ROR1: variants seen among roughly 807,000 people sequenced by gnomAD.
ROR1 encodes ROR family WNT receptor 1.
In ROR1, 19 loss-of-function variants were observed where a neutral mutation model predicts 78.8. That is an observed-to-expected ratio of 0.24 (90% CI 0.17 to 0.35). The LOEUF (loss-of-function observed/expected upper bound fraction) is 0.35, where lower values mean the gene tolerates loss of function less well. Ranked by LOEUF, ROR1 falls within the 10% of genes least tolerant of loss-of-function variation. The pLI, the probability that ROR1 is intolerant of heterozygous loss-of-function variation, is 1.00. For missense variants in ROR1, 917 were observed against 1,177.8 expected, an observed-to-expected ratio of 0.78 and a Z score of 3.24; for synonymous variants, 386 against 433.6, an observed-to-expected ratio of 0.89 and a Z score of 1.36.
At position 64,005,433 on chromosome 1, in the gene ROR1, C is replaced by G. The variant is rs143113003; in HGVS notation, c.92-3872C>G. On this transcript the variant is annotated intron_variant, in intron 1 of 8. Coordinates refer to ENST00000371079, the MANE Select transcript of ROR1 (RefSeq NM_005012.4). The stretch of plus-strand genomic sequence containing the variant: ...TTTCCATTAAATAGTCTACTGTCTT[C>G]TAAATGGCACATACACATTTGCTAT... Among the ~76,000 whole-genome samples the G allele has an allele frequency of 8.9e-3, 1,363 of 152,312 alleles. 6 individuals are homozygous for G. The highest frequency in any genetic ancestry group is 0.014 in the Admixed American group (208 of 15,302).
chr1:64,163,985 T>C lies in ROR1; in HGVS notation c.1386+4793T>C, dbSNP rs72686933. On this transcript the variant is annotated intron_variant, in intron 8 of 8. Transcript: ENST00000371079. ...TCCAGTGACCTTTGCCAAGTCTTCC[T>C]CCCCTTTAATTTCTCTGGAGCCTTT... 1.9e-3 allele frequency among the ~76,000 whole-genome samples: 292 copies of C among 152,280 alleles called. 1 individual carries two copies. The highest frequency in any genetic ancestry group is 3.1e-3 in the Non-Finnish European group (208 of 68,022).
chr1:63,774,458 T>G lies in ROR1; in HGVS notation c.41T>G (p.Leu14Arg), dbSNP rs1644599423. 2 of 1,170,110 alleles carry G rather than the reference T, an allele frequency of 1.7e-6. No homozygotes were observed. The highest frequency in any genetic ancestry group is 4.8e-5 in the Admixed American group (1 of 21,004). 72.5% of individuals were successfully genotyped at this position (1,170,110 alleles called of 1,614,324 possible). The change falls in exon 1 of 9, where the codon CTG becomes CGG. Residue 14 changes from leucine (L) to arginine (R), a missense_variant. By Grantham distance (102) the Leu-to-Arg change is moderately radical (BLOSUM62 -2). Transcript: ENST00000371079. This position sits in a 1 kb window ranked among gnomAD's most constrained non-coding sequence, Gnocchi z 5.7. The stretch of plus-strand genomic sequence containing the variant: ...CGCCGCGGGACGCGCCCGCCGCTCC[T>G]GGCGCTGCTGGCCGCGCTGCTGCTG... Reference protein sequence around the residue: ...PRRRGTRPPLLALLAALLLAA... With the variant: ...PRRRGTRPPLRALLAALLLAA...
At position 63,855,049 on chromosome 1, in the gene ROR1, TG is replaced by T. The variant is rs373822530; in HGVS notation, c.91+80544del. 5.5e-3 allele frequency among the ~76,000 whole-genome samples: 830 copies of T among 152,226 alleles called. 9 individuals carry two copies. Among genetic ancestry groups the T allele is most frequent in the African/African-American group, 0.019 (789 of 41,562 alleles). On this transcript the variant is annotated intron_variant, in intron 1 of 8. Transcript: ENST00000371079. ...TTTGATCTGTGGTTGATTGAATCCA[TG>T]GGTGTGGAACCTGGGGATATGGAGG...
chr1:64,068,687 C>T (rs1224662762), intron 4 of ROR1, among the ~76,000 whole-genome samples: 1 of 152,120 alleles, frequency 6.6e-6, no homozygotes, highest in African/African-American at 2.4e-5. Flanking sequence ...TACAATTCCA[C>T]TAAGTCTAGT....
At chr1:63,962,112 T>C (rs1646034413) in intron 1 of ROR1, among the ~76,000 whole-genome samples, 2 of 152,042 alleles carry the variant, frequency 1.3e-5, no homozygotes, top group Non-Finnish European at 2.9e-5. Context: ...ATACAAAAGT[T>C]ATCTGGGCAT....
At chr1:64,112,904 G>A (rs1013511743) in intron 4 of ROR1, among the ~76,000 whole-genome samples, 1 of 152,130 alleles carries the variant, frequency 6.6e-6, no homozygotes, top group African/African-American at 2.4e-5. Context: ...CCTATGGACA[G>A]CCTGCCAGCA....
At chr1:63,940,811 A>G (rs1645832587) in intron 1 of ROR1, among the ~76,000 whole-genome samples, 1 of 151,686 alleles carries the variant, frequency 6.6e-6, no homozygotes, top group Non-Finnish European at 1.5e-5. Flanking sequence ...GAAAAAATGG[A>G]CAACATCTCA....
intron 1 of ROR1, among the ~76,000 whole-genome samples, chr1:63,978,165 A>G (rs1347526145): frequency 6.6e-6 from 1 of 152,100 alleles, no homozygotes; most frequent in Non-Finnish European, 1.5e-5. Flanking sequence ...TTTAATCTCA[A>G]ATGACCTCTT....
At chr1:64,027,074 A>G (rs113805435) in intron 2 of ROR1, among the ~76,000 whole-genome samples, 141 of 152,326 alleles carry the variant, frequency 9.3e-4, no homozygotes, top group African/African-American at 3.1e-3. Flanking sequence ...AAAATGACAA[A>G]TAGCCTTTCA....
At chr1:64,165,324 C>T (rs1445747764) in intron 8 of ROR1, among the ~76,000 whole-genome samples, 1 of 152,088 alleles carries the variant, frequency 6.6e-6, no homozygotes, top group African/African-American at 2.4e-5. Flanking sequence ...TTTTGATTTG[C>T]ATTTCTCTAA....
intron 1 of ROR1, among the ~76,000 whole-genome samples, chr1:63,830,046 T>A (rs1644978105): frequency 6.6e-6 from 1 of 151,968 alleles, no homozygotes; most frequent in African/African-American, 2.4e-5. Flanking sequence ...AACTTAATTA[T>A]CTTTGAGGCC....
intron 1 of ROR1, among the ~76,000 whole-genome samples, chr1:63,877,768 C>T (rs1484471259): frequency 6.6e-6 from 1 of 151,916 alleles, no homozygotes; most frequent in East Asian, 1.9e-4. Context: ...TTTATCAGCT[C>T]CTATATATTT....
At chr1:63,930,352 A>G (rs1397606170) in intron 1 of ROR1, among the ~76,000 whole-genome samples, 1 of 152,230 alleles carries the variant, frequency 6.6e-6, no homozygotes, top group African/African-American at 2.4e-5. Context: ...AGCAAGTCAT[A>G]GGCTAAATTA....
chr1:64,096,107 T>TA (rs1458957853), intron 4 of ROR1, among the ~76,000 whole-genome samples: 3 of 152,188 alleles, frequency 2.0e-5, no homozygotes, highest in African/African-American at 4.8e-5. Flanking sequence ...TTCTTAAAGA[T>TA]AAAATCCCTT....
intron 8 of ROR1, among the ~76,000 whole-genome samples, chr1:64,164,603 T>A (rs900330097): frequency 2.6e-5 from 4 of 152,202 alleles, no homozygotes; most frequent in African/African-American, 9.7e-5. Context: ...ATCTTTTTTT[T>A]AACTTTTATT....
At chr1:63,930,315 C>T (rs557034315) in intron 1 of ROR1, among the ~76,000 whole-genome samples, 71 of 152,282 alleles carry the variant, frequency 4.7e-4, no homozygotes, top group African/African-American at 1.7e-3. Flanking sequence ...ACCACATTTC[C>T]TCCCCAGCAA....
At chr1:63,860,409 T>C (rs752152717) in intron 1 of ROR1, among the ~76,000 whole-genome samples, 22 of 152,012 alleles carry the variant, frequency 1.4e-4, no homozygotes, top group Non-Finnish European at 2.6e-4. Context: ...ATTAGAAAGC[T>C]GGAAAGAAGT....
In ROR1 at chr1:64,081,666, C is replaced by T. The variant is rs116697063; in HGVS notation, c.482+30950C>T. On this transcript the variant is annotated intron_variant, in intron 4 of 8. Coordinates refer to ENST00000371079, the MANE Select transcript of ROR1 (RefSeq NM_005012.4). ...CATGCCTGTGGTGCCAGCTACTCAGCAGGTTGAGATGGGGGGATTGCTTGA... is the reference window on the plus strand; with the variant it reads ...CATGCCTGTGGTGCCAGCTACTCAGTAGGTTGAGATGGGGGGATTGCTTGA... Among the ~76,000 whole-genome samples, 1,148 of 149,464 alleles carry T rather than the reference C, an allele frequency of 7.7e-3. 18 individuals are homozygous for T. Among genetic ancestry groups the T allele is most frequent in the African/African-American group, 0.027 (1,101 of 40,198 alleles).
intron 1 of ROR1, among the ~76,000 whole-genome samples, chr1:63,887,098 T>G (rs2100382995): frequency 6.6e-6 from 1 of 152,280 alleles, no homozygotes; most frequent in Middle Eastern, 3.4e-3. Flanking sequence ...GTGGGTGGCT[T>G]GCAGCATGTC....
Sources: gnomAD v4.1 joint callset for allele counts (sites outside exome capture counted in the v4.1 genomes callset) on GRCh38, gnomAD v4.1.1 for gene constraint, Gnocchi (gnomAD v3.1) non-coding constraint, MANE v1.5 for transcripts, NCBI Gene and HGNC (gene_info 2026-07-23, HGNC 2026-07-21) for gene names.